Variants in EHBP1 observed in about 807,000 individuals in gnomAD.
EHBP1 encodes EH domain-binding protein 1.
EHBP1 carries 55 observed loss-of-function variants against 144.0 expected under a neutral mutation model. That is an observed-to-expected ratio of 0.38 (90% CI 0.31 to 0.48). EHBP1 has a LOEUF of 0.48. Among genes scored for constraint, EHBP1 ranks in the 20% least tolerant of loss-of-function variants. The pLI, the probability that EHBP1 is intolerant of heterozygous loss-of-function variation, is 0.98. For synonymous variants in EHBP1, 469 were observed against 472.7 expected, an observed-to-expected ratio of 0.99 and a Z score of 0.10; for missense variants, 1,200 against 1,364.2, an observed-to-expected ratio of 0.88 and a Z score of 1.90.
intron 6 of EHBP1, among the ~76,000 whole-genome samples, chr2:62,827,887 T>C (rs953527280): frequency 1.3e-5 from 2 of 152,186 alleles, no homozygotes; most frequent in Non-Finnish European, 2.9e-5. Context: ...CAGGCTGGTC[T>C]TCAACTATTG....
At position 62,690,179 on chromosome 2, in the gene EHBP1, T is replaced by C. The variant is rs537833843; in HGVS notation, c.-296+16096T>C. On this transcript the variant is annotated intron_variant, in intron 1 of 22. Coordinates refer to the EHBP1 transcript ENST00000405015. ...AGCATAGCACTTAGCAGACAAAGCCTCTGGGTGCCTCCTTGGGGGTAGCAG... is the reference window on the plus strand; with the variant it reads ...AGCATAGCACTTAGCAGACAAAGCCCCTGGGTGCCTCCTTGGGGGTAGCAG... Among the ~76,000 whole-genome samples the C allele has an allele frequency of 2.6e-5, 4 of 152,302 alleles. No homozygotes were observed. The East Asian group carries it at 7.7e-4, about 29-fold the overall frequency.
chr2:63,025,115 T>C (rs148383406), intron 19 of EHBP1, among the ~76,000 whole-genome samples: 4 of 152,250 alleles, frequency 2.6e-5, no homozygotes, highest in Admixed American at 6.5e-5. Context: ...CATTTATAGA[T>C]GATAAAAATG....
intron 5 of EHBP1, among the ~76,000 whole-genome samples, chr2:62,823,721 C>G (rs1201083312): frequency 2.0e-5 from 3 of 151,976 alleles, no homozygotes; most frequent in South Asian, 2.1e-4. Flanking sequence ...TCTGAGATAG[C>G]TAATTTTAAG....
chr2:62,734,873 C>T (rs1248235526), intron 2 of EHBP1, among the ~76,000 whole-genome samples: 2 of 152,140 alleles, frequency 1.3e-5, no homozygotes, highest in South Asian at 2.1e-4. Flanking sequence ...CGCTTACAGG[C>T]GTGAGCCACT....
Position 62,817,419 on chromosome 2 carries a change from T to G in EHBP1, c.313-8668T>G, listed in dbSNP as rs80301910. ...GGCTCTAAGGGAGATGCATACCTGG[T>G]GCATTGGAGAAAGTAAGGAGGCCAG... On this transcript the variant is annotated intron_variant, in intron 5 of 22. Coordinates refer to ENST00000431489, the MANE Select transcript of EHBP1 (RefSeq NM_001142616.3). Among the ~76,000 whole-genome samples the G allele has an allele frequency of 1.7e-4, 26 of 152,126 alleles. 1 individual carries two copies. In the East Asian group the frequency reaches 4.6e-3, roughly 27 times the overall value.
At chr2:62,709,021 A>C (rs1168871681) in intron 2 of EHBP1, among the ~76,000 whole-genome samples, 1 of 152,188 alleles carries the variant, frequency 6.6e-6, no homozygotes, top group Non-Finnish European at 1.5e-5. Flanking sequence ...GAACATAGTA[A>C]AAGATTATGA....
chr2:62,749,180 C>T (rs1304977678), intron 3 of EHBP1, among the ~76,000 whole-genome samples: 1 of 152,128 alleles, frequency 6.6e-6, no homozygotes, highest in African/African-American at 2.4e-5. Context: ...GTTCCCCTTC[C>T]TGTGTCCAAG....
At position 62,771,546 on chromosome 2, in the gene EHBP1, C is replaced by T. The variant is rs2041660933; in HGVS notation, c.312+154C>T. On this transcript the variant is annotated intron_variant, in intron 5 of 22. Coordinates refer to ENST00000431489, the MANE Select transcript of EHBP1 (RefSeq NM_001142616.3). ...TAGAATGTTTTTAATGAAATGATAG[C>T]CAGTAACAAAATTATTTGTAAGAAA... 7 of 540,040 alleles carry T rather than the reference C, an allele frequency of 1.3e-5. No homozygotes were observed. In the South Asian group the frequency reaches 2.1e-4, roughly 16 times the overall value. The allele number at this position is 540,040 out of a possible 1,614,324, so 33.5% of individuals were successfully genotyped here.
At chr2:62,747,362 T>C (rs1270563115) in intron 2 of EHBP1, 33 bp from the exon 3 acceptor site, 1 of 1,594,918 alleles carries the variant, frequency 6.3e-7, no homozygotes, top group East Asian at 2.2e-5. Context: ...TTATTTAAGA[T>C]AAATTATGTT....
intron 5 of EHBP1, among the ~76,000 whole-genome samples, chr2:62,788,947 G>C (rs1311608935): frequency 6.6e-6 from 1 of 152,162 alleles, no homozygotes. Flanking sequence ...TTGATTTACT[G>C]GTGGTAGGGA....
At chr2:62,951,744 C>G (rs2057404300) in intron 13 of EHBP1, among the ~76,000 whole-genome samples, 1 of 151,870 alleles carries the variant, frequency 6.6e-6, no homozygotes, top group East Asian at 1.9e-4. Flanking sequence ...AGGCTGGTCT[C>G]GAACTCCTGA....
intron 7 of EHBP1, among the ~76,000 whole-genome samples, chr2:62,833,335 G>C (rs2046962882): frequency 6.6e-6 from 1 of 152,192 alleles, no homozygotes; most frequent in Non-Finnish European, 1.5e-5. Flanking sequence ...AGGTTATCCA[G>C]AAGATCTCAC....
At chr2:62,910,401 G>GA (rs1311656586) in intron 10 of EHBP1, among the ~76,000 whole-genome samples, 1 of 152,040 alleles carries the variant, frequency 6.6e-6, no homozygotes. Flanking sequence ...GTTGAGGGGA[G>GA]AAAAAATCAG....
chr2:63,025,736 G>T (rs2060947098), intron 19 of EHBP1, among the ~76,000 whole-genome samples: 1 of 152,130 alleles, frequency 6.6e-6, no homozygotes, highest in Admixed American at 6.5e-5. Context: ...GATAAAAGGG[G>T]CAACTGAACA....
chr2:62,708,745 A>AT (rs1220078537), intron 2 of EHBP1, among the ~76,000 whole-genome samples: 1 of 152,198 alleles, frequency 6.6e-6, no homozygotes. Flanking sequence ...GTTTTGAAAG[A>AT]TTCATAGTTG....
intron 10 of EHBP1, among the ~76,000 whole-genome samples, chr2:62,917,461 C>G (rs920194675): frequency 6.6e-6 from 1 of 152,052 alleles, no homozygotes; most frequent in Non-Finnish European, 1.5e-5. Context: ...CACACAGATG[C>G]ACATGTGTGT....
chr2:62,983,367 G>A (rs2059049147), intron 15 of EHBP1, among the ~76,000 whole-genome samples: 1 of 152,012 alleles, frequency 6.6e-6, no homozygotes, highest in South Asian at 2.1e-4. Context: ...ACATTTGCAA[G>A]GAAGGTGACT....
intron 7 of EHBP1, among the ~76,000 whole-genome samples, chr2:62,836,774 AG>A (rs1406743797): frequency 6.8e-6 from 1 of 146,308 alleles, no homozygotes. Flanking sequence ...TGAAGCGAGA[AG>A]GGAAGTTTAG....
intron 3 of EHBP1, among the ~76,000 whole-genome samples, chr2:62,753,071 T>C (rs1414272323): frequency 6.6e-6 from 1 of 152,224 alleles, no homozygotes; most frequent in South Asian, 2.1e-4. Flanking sequence ...TTTTGCTCGT[T>C]AGTTGATGCA....
Sources: allele counts gnomAD v4.1 joint callset (sites outside exome capture counted in the v4.1 genomes callset), GRCh38; gene constraint gnomAD v4.1.1; transcripts MANE v1.5; gene names NCBI Gene and HGNC (gene_info 2026-07-23, HGNC 2026-07-21).